The following ADAM18 variants were observed in gnomAD, a reference collection of about 807,000 sequenced individuals.
ADAM18 encodes the protein disintegrin and metalloproteinase domain-containing protein 18.
A neutral mutation model predicts 94.4 loss-of-function variants in ADAM18; 117 were observed. The observed-to-expected ratio is 1.24, with a 90% CI of 1.07 to 1.45. The LOEUF (loss-of-function observed/expected upper bound fraction) is 1.45. ADAM18 is among the 40% of genes most tolerant of loss of function. ADAM18 has a pLI of 0.00. For missense variants in ADAM18, 936 were observed against 880.0 expected (o/e 1.06, Z -0.81); for synonymous variants, 327 against 291.6 (o/e 1.12, Z -1.24).
chr8:39,704,472 A>G (rs1025511678), intron 17 of ADAM18, among the ~76,000 whole-genome samples: 1 of 152,104 alleles, frequency 6.6e-6, no homozygotes, highest in African/African-American at 2.4e-5. Context: ...ATTATCTCAA[A>G]AGATGCAGAA....
At chr8:39,676,723 G>C (rs756597633) in intron 14 of ADAM18, among the ~76,000 whole-genome samples, 1 of 152,332 alleles carries the variant, frequency 6.6e-6, no homozygotes, top group African/African-American at 2.4e-5. Context: ...CCCATCTTCT[G>C]CATCGATCAC....
intron 6 of ADAM18, among the ~76,000 whole-genome samples, chr8:39,628,193 C>T (rs1819826837): frequency 1.3e-5 from 2 of 151,476 alleles, no homozygotes; most frequent in Admixed American, 1.3e-4. Context: ...TATGGTCATG[C>T]AATAGTATGA....
At position 39,609,503 on chromosome 8, in the gene ADAM18, G is replaced by A. The variant is rs763931355; in HGVS notation, c.286G>A (p.Gly96Arg). The change falls in exon 5 of 20, where the codon GGA becomes AGA. Residue 96 changes from glycine (G) to arginine (R), a missense_variant. Physicochemically the swap from Gly to Arg is moderately radical, Grantham distance 125. Coordinates refer to ENST00000265707, the MANE Select transcript of ADAM18 (RefSeq NM_014237.3). ...TTTTCAGATGCATTGCCATTACCAA[G>A]GATATGCTGCCGAATTTCCAAATTC... ...PYFMMHCHYQGYAAEFPNSFV... is the reference protein window; with the variant it reads ...PYFMMHCHYQRYAAEFPNSFV... 5 of 1,611,252 alleles carry A rather than the reference G, an allele frequency of 3.1e-6. No homozygotes were observed. The South Asian group carries it at 5.5e-5, about 18-fold the overall frequency.
At chr8:39,611,873 C>T (rs1189058610) in intron 6 of ADAM18, among the ~76,000 whole-genome samples, 3 of 151,874 alleles carry the variant, frequency 2.0e-5, no homozygotes, top group Non-Finnish European at 4.4e-5. Context: ...CTTTCTAAGC[C>T]TCATGATAAC....
intron 2 of ADAM18, among the ~76,000 whole-genome samples, chr8:39,605,235 T>C (rs1819035274): frequency 6.6e-6 from 1 of 152,158 alleles, no homozygotes; most frequent in African/African-American, 2.4e-5. Context: ...GGAAGAGAAA[T>C]GGTGGGTTTA....
chr8:39,699,533 ATAT>A (rs1822008641), intron 17 of ADAM18, among the ~76,000 whole-genome samples: 1 of 152,114 alleles, frequency 6.6e-6, no homozygotes, highest in African/African-American at 2.4e-5. Context: ...TGTGGTGTTA[ATAT>A]TATATATGAA....
At chr8:39,668,310 A>C (rs2305393) in intron 14 of ADAM18, 114 bp downstream of exon 14, 574,271 of 985,048 alleles carry the variant, frequency 0.58, 178,748 homozygotes, top group Non-Finnish European at 0.65. Context: ...GATTAATAAA[A>C]ATTAAATTTT....
chr8:39,678,725 C>T lies in ADAM18; in HGVS notation c.1631+1189C>T, dbSNP rs182828167. 1.5e-4 allele frequency among the ~76,000 whole-genome samples: 23 copies of T among 152,154 alleles called. No homozygotes were observed. The East Asian group carries it at 3.5e-3, about 23-fold the overall frequency. On this transcript the variant is annotated intron_variant, in intron 15 of 19. Transcript: ENST00000265707. The stretch of plus-strand genomic sequence containing the variant: ...TTCATGAAAAAAAGATAAAAGAAAC[C>T]TGGAAGAAATTGTGAAAGTTAGCAA...
At chr8:39,717,934 C>T (rs1822625339) in intron 18 of ADAM18, among the ~76,000 whole-genome samples, 1 of 151,436 alleles carries the variant, frequency 6.6e-6, no homozygotes, top group Non-Finnish European at 1.5e-5. Context: ...CTTGAGTAGA[C>T]ATTGCTTCAA....
chr8:39,661,444 G>T (rs779357510), intron 12 of ADAM18, among the ~76,000 whole-genome samples: 1 of 150,582 alleles, frequency 6.6e-6, no homozygotes. Context: ...AAAGTGCTGA[G>T]ATTACAGGCG....
chr8:39,614,210 T>C (rs1819366012), intron 6 of ADAM18, among the ~76,000 whole-genome samples: 1 of 152,000 alleles, frequency 6.6e-6, no homozygotes, highest in Non-Finnish European at 1.5e-5. Context: ...AGAAAAAATA[T>C]TGCAAATAGA....
At chr8:39,692,104 A>T (rs912008037) in intron 16 of ADAM18, among the ~76,000 whole-genome samples, 4 of 151,910 alleles carry the variant, frequency 2.6e-5, no homozygotes, top group African/African-American at 9.7e-5. Context: ...TGCCATAATA[A>T]AAGTTTTACA....
intron 12 of ADAM18, among the ~76,000 whole-genome samples, chr8:39,656,182 C>T (rs989086221): frequency 3.3e-5 from 5 of 151,664 alleles, no homozygotes; most frequent in African/African-American, 9.7e-5. Context: ...ACAAAGCTAG[C>T]CAAGGTGATC....
At chr8:39,687,306 C>A (rs895722438) in intron 16 of ADAM18, among the ~76,000 whole-genome samples, 2 of 152,150 alleles carry the variant, frequency 1.3e-5, no homozygotes, top group African/African-American at 4.8e-5. Context: ...ATTTACAATG[C>A]ATAATTTGTC....
At chr8:39,609,015 CT>C (rs748678774) in intron 3 of ADAM18, 26 bp from the exon 4 acceptor site, 1 of 1,296,922 alleles carries the variant, frequency 7.7e-7, no homozygotes, top group Non-Finnish European at 1.1e-6. Flanking sequence ...ATGATTCATA[CT>C]TTTTTATTAT....
Position 39,729,895 on chromosome 8 carries a change from TA to T in ADAM18, c.2178-2del, listed in dbSNP as rs1334889893. 1 of 1,612,982 alleles carries T rather than the reference TA, an allele frequency of 6.2e-7. No individual in the cohort carries two copies. The highest frequency in any genetic ancestry group is 2.2e-5 in the East Asian group (1 of 44,878). ...CTATTTTTTCTGTTTTTCTTCACTA[TA>T]GTAATTCATCCGTTGTATCAGAAAG... On this transcript the variant is annotated splice_acceptor_variant, in intron 19 of 19. Transcript: ENST00000265707. LOFTEE classifies it high-confidence loss of function.
chr8:39,662,396 A>G (rs932385748), intron 12 of ADAM18, among the ~76,000 whole-genome samples: 8 of 152,178 alleles, frequency 5.3e-5, no homozygotes, highest in Non-Finnish European at 8.8e-5. Flanking sequence ...TTGTATAAGC[A>G]TACGTCCATT....
chr8:39,661,163 T>TC (rs1820824149), intron 12 of ADAM18, among the ~76,000 whole-genome samples: 1 of 148,576 alleles, frequency 6.7e-6, no homozygotes, highest in East Asian at 1.9e-4. Context: ...TCTTTTTTTT[T>TC]TTTTTTTTTG....
At chr8:39,684,895 G>A (rs1821567838) in intron 16 of ADAM18, among the ~76,000 whole-genome samples, 1 of 152,094 alleles carries the variant, frequency 6.6e-6, no homozygotes, top group South Asian at 2.1e-4. Context: ...CATTGTATGA[G>A]GGAGCATTGT....
Sources: allele counts gnomAD v4.1 joint callset (sites outside exome capture counted in the v4.1 genomes callset), GRCh38; gene constraint gnomAD v4.1.1; transcripts MANE v1.5; gene names NCBI Gene and HGNC (gene_info 2026-07-23, HGNC 2026-07-21).